ITPRID1: variants seen among roughly 807,000 people sequenced by gnomAD.
ITPRID1 encodes protein ITPRID1.
In ITPRID1, 96 loss-of-function variants were observed where a neutral mutation model predicts 95.4. The observed-to-expected ratio is 1.01, with a 90% confidence interval of 0.85 to 1.19. ITPRID1 has a LOEUF of 1.19. Among genes scored for constraint, ITPRID1 ranks in the 50% most tolerant of loss-of-function variants. ITPRID1 has a pLI of 0.00. For synonymous variants in ITPRID1, 510 were observed against 453.6 expected (o/e 1.12, Z -1.58); for missense variants, 1,339 against 1,252.9 (o/e 1.07, Z -1.04).
At chr7:31,586,246 A>G (rs1401121524) in intron 10 of ITPRID1, among the ~76,000 whole-genome samples, 1 of 134,134 alleles carries the variant, frequency 7.5e-6, no homozygotes, top group African/African-American at 2.9e-5. Context: ...TCATTGTTGG[A>G]CATTTGGGTT....
intron 14 of ITPRID1, 73 bp from the exon 15 acceptor site, chr7:31,652,445 C>G: frequency 6.7e-7 from 1 of 1,498,434 alleles, no homozygotes; most frequent in Non-Finnish European, 8.9e-7. Context: ...ATGCCTAGCT[C>G]ACAAGTTTGA....
chr7:31,617,388 G>C (rs1329784186), intron 10 of ITPRID1, among the ~76,000 whole-genome samples: 1 of 152,116 alleles, frequency 6.6e-6, no homozygotes, highest in African/African-American at 2.4e-5. Flanking sequence ...GTAGTATTAA[G>C]CATTTCTGAG....
intron 10 of ITPRID1, among the ~76,000 whole-genome samples, chr7:31,641,302 C>A (rs1789993416): frequency 6.6e-6 from 1 of 152,148 alleles, no homozygotes; most frequent in Admixed American, 6.5e-5. Flanking sequence ...GGACAATCAA[C>A]TGTTTCCCCT....
chr7:31,653,068 T>C lies in ITPRID1; in HGVS notation c.*239T>C. 1 of 1,014,446 alleles carries C rather than the reference T, an allele frequency of 9.9e-7. No homozygotes were observed. Among genetic ancestry groups the C allele is most frequent in the Non-Finnish European group, 1.3e-6 (1 of 745,938 alleles). 62.8% of individuals were successfully genotyped at this position (1,014,446 alleles called of 1,614,324 possible). On this transcript the variant is annotated 3_prime_UTR_variant, in exon 15 of 15. Transcript: ENST00000615280. The stretch of plus-strand genomic sequence containing the variant: ...AGAGTATGCAACAGTGACTAAATAG[T>C]ATACGGTCTCTGCCCTGCTAGAACT...
chr7:31,642,033 G>A (rs1790064512), intron 10 of ITPRID1, 143 bp from the exon 11 acceptor site: 1 of 511,002 alleles, frequency 2.0e-6, no homozygotes, highest in Admixed American at 3.8e-5. Flanking sequence ...AATGTCCTTG[G>A]AATTCCCTCA....
At chr7:31,583,708 A>G (rs1400408999) in intron 10 of ITPRID1, among the ~76,000 whole-genome samples, 3 of 152,186 alleles carry the variant, frequency 2.0e-5, no homozygotes, top group Non-Finnish European at 2.9e-5. Flanking sequence ...GAAACGTTCA[A>G]TATTCCTGGG....
chr7:31,521,320 C>T (rs1783242346), intron 1 of ITPRID1, among the ~76,000 whole-genome samples: 1 of 152,118 alleles, frequency 6.6e-6, no homozygotes, highest in African/African-American at 2.4e-5. Context: ...GGGATCTCTT[C>T]TTAAACACAT....
At chr7:31,588,936 A>C (rs967906727) in intron 10 of ITPRID1, among the ~76,000 whole-genome samples, 7 of 152,110 alleles carry the variant, frequency 4.6e-5, no homozygotes, top group African/African-American at 1.4e-4. Flanking sequence ...ATTCAGGAAC[A>C]ATAAAAATAT....
At chr7:31,531,492 G>A (rs1422591830) in intron 1 of ITPRID1, among the ~76,000 whole-genome samples, 1 of 152,162 alleles carries the variant, frequency 6.6e-6, no homozygotes. Flanking sequence ...GTGGCCATAA[G>A]CCAAGATAGC....
At chr7:31,566,874 T>C (rs1182417988) in intron 5 of ITPRID1, among the ~76,000 whole-genome samples, 1 of 152,148 alleles carries the variant, frequency 6.6e-6, no homozygotes, top group Non-Finnish European at 1.5e-5. Context: ...CTAGCTGAAT[T>C]GGGTATTGAC....
intron 5 of ITPRID1, among the ~76,000 whole-genome samples, chr7:31,562,437 G>C (rs139978432): frequency 1.5e-4 from 23 of 152,232 alleles, no homozygotes; most frequent in Admixed American, 1.2e-3. Flanking sequence ...CCCATCCCCA[G>C]AGAGGTCTCA....
intron 10 of ITPRID1, among the ~76,000 whole-genome samples, chr7:31,641,444 G>T (rs1238137752): frequency 1.3e-5 from 2 of 151,518 alleles, no homozygotes; most frequent in African/African-American, 4.9e-5. Context: ...CCTATACTGT[G>T]GTATAACTGA....
At chr7:31,623,423 A>T (rs1788115428) in intron 10 of ITPRID1, among the ~76,000 whole-genome samples, 1 of 151,664 alleles carries the variant, frequency 6.6e-6, no homozygotes, top group Non-Finnish European at 1.5e-5. Flanking sequence ...AGTGGGCTTC[A>T]TCCCTGGGAT....
chr7:31,593,240 G>A (rs12701124), intron 10 of ITPRID1, among the ~76,000 whole-genome samples: 28,501 of 152,070 alleles, frequency 0.19, 3,090 homozygotes, highest in Non-Finnish European at 0.23. Context: ...GGGAAGTGGG[G>A]TTGCAGTGAG....
intron 10 of ITPRID1, among the ~76,000 whole-genome samples, chr7:31,628,720 T>G (rs1462477375): frequency 6.6e-6 from 1 of 152,126 alleles, no homozygotes; most frequent in Non-Finnish European, 1.5e-5. Context: ...CCTCCGAAAG[T>G]GCTGGGATTA....
At chr7:31,634,321 A>C (rs1427714803) in intron 10 of ITPRID1, among the ~76,000 whole-genome samples, 1 of 152,238 alleles carries the variant, frequency 6.6e-6, no homozygotes, top group Non-Finnish European at 1.5e-5. Flanking sequence ...ACGAAGATTG[A>C]GTTATAACAG....
At chr7:31,519,612 C>CTATATATATATATATA (rs1271078923) in intron 1 of ITPRID1, among the ~76,000 whole-genome samples, 1 of 46,884 alleles carries the variant, frequency 2.1e-5, no homozygotes, top group African/African-American at 8.3e-5. Flanking sequence ...CTCTCTCTCT[C>CTATATATATATATATA]TCTCTCTCTA....
intron 1 of ITPRID1, among the ~76,000 whole-genome samples, chr7:31,537,409 T>G (rs1783796250): frequency 6.6e-6 from 1 of 152,168 alleles, no homozygotes; most frequent in African/African-American, 2.4e-5. Context: ...ACATGGGTCT[T>G]TTCTCTGCTA....
At chr7:31,631,021 C>G (rs1240898246) in intron 10 of ITPRID1, among the ~76,000 whole-genome samples, 1 of 151,984 alleles carries the variant, frequency 6.6e-6, no homozygotes, top group African/African-American at 2.4e-5. Context: ...GTTATTAACT[C>G]AAGAAGTAGG....
Sources: gnomAD v4.1 joint callset for allele counts (sites outside exome capture counted in the v4.1 genomes callset) on GRCh38, gnomAD v4.1.1 for gene constraint, MANE v1.5 for transcripts, NCBI Gene and HGNC (gene_info 2026-07-23, HGNC 2026-07-21) for gene names.